The following ADCYAP1R1 variants were observed in gnomAD, a reference collection of about 807,000 sequenced individuals.
ADCYAP1R1 encodes the protein pituitary adenylate cyclase-activating polypeptide type I receptor.
Under a neutral mutation model 67.6 loss-of-function variants are expected in ADCYAP1R1, and 44 were observed. That is an observed-to-expected ratio of 0.65 (90% CI 0.51 to 0.84). The LOEUF (loss-of-function observed/expected upper bound fraction) is 0.84, where lower values mean the gene tolerates loss of function less well. Ranked by LOEUF, ADCYAP1R1 falls within the 40% of genes least tolerant of loss-of-function variation. ADCYAP1R1 has a pLI of 0.00. For missense variants in ADCYAP1R1, 477 were observed against 587.9 expected, an observed-to-expected ratio of 0.81 and a Z score of 1.95; for synonymous variants, 222 against 219.6, an observed-to-expected ratio of 1.01 and a Z score of -0.10.
At chr7:31,065,147 G>A (rs1794682182) in intron 3 of ADCYAP1R1, among the ~76,000 whole-genome samples, 1 of 152,230 alleles carries the variant, frequency 6.6e-6, no homozygotes, top group Non-Finnish European at 1.5e-5. Context: ...CCTCACAGCT[G>A]TTCTGGGTGA....
intron 12 of ADCYAP1R1, among the ~76,000 whole-genome samples, chr7:31,090,565 C>A (rs749657808): frequency 6.6e-6 from 1 of 152,172 alleles, no homozygotes. Context: ...TCCCTTGCCC[C>A]GATCCTCCCA....
intron 13 of ADCYAP1R1, among the ~76,000 whole-genome samples, chr7:31,099,295 A>G (rs1796339159): frequency 1.3e-5 from 2 of 152,120 alleles, no homozygotes; most frequent in Admixed American, 6.5e-5. Context: ...CCAGCCCAAC[A>G]CTGTCCCCTA....
chr7:31,087,565 C>G, intron 11 of ADCYAP1R1, 62 bp from the exon 12 acceptor site: 1 of 1,496,848 alleles, frequency 6.7e-7, no homozygotes. Flanking sequence ...GGGCAGTGTC[C>G]CGCAGGCTTC....
chr7:31,105,908 A>C (rs9639625), intron 15 of ADCYAP1R1, among the ~76,000 whole-genome samples: 3,320 of 152,282 alleles, frequency 0.022, 83 homozygotes, highest in Middle Eastern at 0.099. Flanking sequence ...ATGGAGGCTG[A>C]GACTCAGCAT....
intron 13 of ADCYAP1R1, among the ~76,000 whole-genome samples, chr7:31,093,974 G>T (rs1174304272): frequency 6.6e-6 from 1 of 152,028 alleles, no homozygotes; most frequent in Admixed American, 6.5e-5. Context: ...TCAGGGAGGT[G>T]GAGCTTGTTC....
At chr7:31,053,150 C>A (rs2128610170) in intron 1 of ADCYAP1R1, among the ~76,000 whole-genome samples, 1 of 151,826 alleles carries the variant, frequency 6.6e-6, no homozygotes, top group South Asian at 2.1e-4. Context: ...TACCGCAATC[C>A]GCACGGGGTT....
chr7:31,080,613 T>C lies in ADCYAP1R1; in HGVS notation c.266T>C (p.Val89Ala), dbSNP rs537285883. The change falls in exon 5 of 16, where the codon GTC becomes GCC. Residue 89 changes from valine (V) to alanine (A), a missense_variant and splice_region_variant. Transcript: ENST00000304166. The stretch of plus-strand genomic sequence containing the variant: ...CTCTCTCTCTTTCTCTCTGTTTCAG[T>C]CTGGGAGACCGAAACCATTGGTAAG... ...ELFRIFNPDQ[V>A]WETETIGESD... 6.2e-7 allele frequency: 1 copy of C among 1,613,666 alleles called. No individual in the cohort carries two copies. The highest frequency in any genetic ancestry group is 1.3e-5 in the African/African-American group (1 of 75,040).
chr7:31,080,677 A>G, intron 5 of ADCYAP1R1, 44 bp downstream of exon 5: 2 of 1,606,958 alleles, frequency 1.2e-6, no homozygotes, highest in Non-Finnish European at 1.7e-6. Context: ...CTTTCTGTCC[A>G]TCCAGCAGGA....
In ADCYAP1R1 at chr7:31,106,825, G is replaced by C. The variant is rs1235292400; in HGVS notation, c.*141G>C. The C allele has an allele frequency of 6.8e-6, 7 of 1,034,318 alleles. No individual in the cohort carries two copies. The allele number at this position is 1,034,318 out of a possible 1,614,324, so 64.1% of individuals were successfully genotyped here. A position where few individuals can be genotyped will look rare whatever the true frequency, so the allele number is the denominator to read the frequency against. On this transcript the variant is annotated 3_prime_UTR_variant, in exon 16 of 16. Coordinates refer to ENST00000304166, the MANE Select transcript of ADCYAP1R1 (RefSeq NM_001118.5). ...TTGGCTCCTGAGGGGGGAGAAGGAG[G>C]CAGGGCACAGACTGGAATTGTCCCC...
chr7:31,058,138 G>T (rs1794335576), intron 1 of ADCYAP1R1, among the ~76,000 whole-genome samples: 3 of 152,252 alleles, frequency 2.0e-5, no homozygotes, highest in Admixed American at 2.0e-4. Context: ...GCCTGGGCCA[G>T]ACGCTGGAGT....
intron 1 of ADCYAP1R1, among the ~76,000 whole-genome samples, chr7:31,060,198 C>T (rs1310180071): frequency 2.0e-5 from 3 of 152,130 alleles, no homozygotes; most frequent in Non-Finnish European, 4.4e-5. Context: ...ACAGCAGGGG[C>T]GAGGCCCCTG....
intron 3 of ADCYAP1R1, among the ~76,000 whole-genome samples, chr7:31,066,167 C>T (rs555762376): frequency 7.9e-5 from 12 of 152,286 alleles, no homozygotes; most frequent in South Asian, 2.1e-4. Context: ...ATGGGACTGC[C>T]GAGCCCTGAG....
In ADCYAP1R1 at chr7:31,064,942, C is replaced by A. The variant is rs763444044; in HGVS notation, c.157+6C>A. On this transcript the variant is annotated splice_donor_region_variant and intron_variant, in intron 3 of 15. Coordinates refer to ENST00000304166, the MANE Select transcript of ADCYAP1R1 (RefSeq NM_001118.5). ...CTTCAATGATTCCTCTCCAGGTGAG[C>A]GGGGCGGCAGGGAGCATGCCACGTC... 6.3e-7 allele frequency: 1 copy of A among 1,597,976 alleles called. No homozygotes were observed. Among genetic ancestry groups the A allele is most frequent in the East Asian group, 2.3e-5 (1 of 44,440 alleles).
intron 7 of ADCYAP1R1, 24 bp downstream of exon 7, chr7:31,084,274 C>T: frequency 1.2e-6 from 2 of 1,601,526 alleles, no homozygotes; most frequent in South Asian, 2.2e-5. Flanking sequence ...CCCTGCTCCC[C>T]AGAGGTGGTG....
intron 8 of ADCYAP1R1, 70 bp from the exon 9 acceptor site, chr7:31,085,240 G>C: frequency 6.4e-7 from 1 of 1,558,370 alleles, no homozygotes; most frequent in East Asian, 2.3e-5. Context: ...GCCCACCACA[G>C]ATGCCCACAT....
At chr7:31,068,373 G>A (rs1794838913) in intron 3 of ADCYAP1R1, among the ~76,000 whole-genome samples, 1 of 152,176 alleles carries the variant, frequency 6.6e-6, no homozygotes, top group South Asian at 2.1e-4. Flanking sequence ...AGCCGGGAAG[G>A]TGGAGCCAAG....
Position 31,086,474 on chromosome 7 carries a change from C to A in ADCYAP1R1, c.760C>A (p.Leu254Met). Reference sequence around the variant, plus strand: ...CATCGAGGGCCTGTACCTCTTCACTCTGCTGGTGGAGACCTTCTTCCCTGA... The same window carrying A: ...CATCGAGGGCCTGTACCTCTTCACTATGCTGGTGGAGACCTTCTTCCCTGA... Reference protein sequence around the residue: ...LFIEGLYLFTLLVETFFPERR... With the variant: ...LFIEGLYLFTMLVETFFPERR... The change falls in exon 10 of 16, where the codon CTG becomes ATG. Residue 254 changes from leucine to methionine, a missense_variant. Transcript: ENST00000304166. This position sits in a 1 kb window ranked among gnomAD's most constrained non-coding sequence, Gnocchi z 5.0. 1.2e-6 allele frequency: 2 copies of A among 1,614,210 alleles called. No individual in the cohort carries two copies. Among genetic ancestry groups the A allele is most frequent in the Non-Finnish European group, 8.5e-7 (1 of 1,180,014 alleles).
chr7:31,083,356 C>A (rs1324780088), intron 6 of ADCYAP1R1, among the ~76,000 whole-genome samples: 2 of 152,172 alleles, frequency 1.3e-5, no homozygotes, highest in African/African-American at 4.8e-5. Context: ...CAAAAACCAG[C>A]CTGGACTTCA....
chr7:31,062,691 G>A (rs917912176), intron 1 of ADCYAP1R1, among the ~76,000 whole-genome samples: 4 of 152,218 alleles, frequency 2.6e-5, no homozygotes, highest in African/African-American at 7.2e-5. Context: ...GGGTTAAAGA[G>A]CAAGAGCAGA....
Sources: gnomAD v4.1 joint callset for allele counts (sites outside exome capture counted in the v4.1 genomes callset) on GRCh38, gnomAD v4.1.1 for gene constraint, Gnocchi (gnomAD v3.1) non-coding constraint, MANE v1.5 for transcripts, NCBI Gene and HGNC (gene_info 2026-07-23, HGNC 2026-07-21) for gene names.